The following PPP2R5E variants were observed in gnomAD, a reference collection of about 807,000 sequenced individuals.
PPP2R5E encodes serine/threonine-protein phosphatase 2A 56 kDa regulatory subunit epsilon isoform.
In PPP2R5E, 4 loss-of-function variants were observed where a neutral mutation model predicts 65.3. The ratio of observed to expected loss-of-function variants is 0.06; its 90% CI spans 0.03 to 0.14. PPP2R5E has a LOEUF of 0.14. Ranked by LOEUF, PPP2R5E falls within the 10% of genes least tolerant of loss-of-function variation. The pLI is 1.00. For missense variants in PPP2R5E, 274 were observed against 556.1 expected, an observed-to-expected ratio of 0.49 and a Z score of 5.10; for synonymous variants, 183 against 187.4, an observed-to-expected ratio of 0.98 and a Z score of 0.19.
chr14:63,528,750 A>ATTTT (rs1893287447), intron 2 of PPP2R5E, among the ~76,000 whole-genome samples: 1 of 152,214 alleles, frequency 6.6e-6, no homozygotes, highest in African/African-American at 2.4e-5. Flanking sequence ...TTTATGAAGG[A>ATTTT]AAAATAAATG....
At chr14:63,446,720 T>C (rs2139451140) in intron 3 of PPP2R5E, among the ~76,000 whole-genome samples, 1 of 150,732 alleles carries the variant, frequency 6.6e-6, no homozygotes, top group African/African-American at 2.4e-5. Flanking sequence ...TCTCAGCTAC[T>C]CGGGAGGCTG....
At chr14:63,449,872 A>ATTTTTTT (rs35931655) in intron 3 of PPP2R5E, among the ~76,000 whole-genome samples, 5 of 105,412 alleles carry the variant, frequency 4.7e-5, no homozygotes, top group East Asian at 2.7e-4. Flanking sequence ...TTCTTTTCCT[A>ATTTTTTT]TTTTTTTTTT....
chr14:63,414,011 T>C (rs1886552679), intron 5 of PPP2R5E, among the ~76,000 whole-genome samples: 1 of 152,130 alleles, frequency 6.6e-6, no homozygotes, highest in African/African-American at 2.4e-5. Context: ...ACATCTGAAC[T>C]TTGGGTTTAA....
intron 2 of PPP2R5E, among the ~76,000 whole-genome samples, chr14:63,484,343 T>TCACACACACACACACA: frequency 7.5e-6 from 1 of 133,344 alleles, no homozygotes; most frequent in African/African-American, 3.1e-5. Context: ...TTTCTCTCTC[T>TCACACACACACACACA]CTCTCACACA....
intron 3 of PPP2R5E, among the ~76,000 whole-genome samples, chr14:63,450,779 A>G (rs1015339536): frequency 3.9e-5 from 6 of 152,124 alleles, no homozygotes; most frequent in Middle Eastern, 3.2e-3. Context: ...AAAGACAAAA[A>G]AAAAAAAAAG....
intron 2 of PPP2R5E, among the ~76,000 whole-genome samples, chr14:63,527,566 C>T (rs1465202972): frequency 6.6e-6 from 1 of 152,166 alleles, no homozygotes; most frequent in South Asian, 2.1e-4. Flanking sequence ...TACCTGCCTT[C>T]TGGAATTTAA....
At chr14:63,427,466 A>G in intron 3 of PPP2R5E, among the ~76,000 whole-genome samples, 1 of 152,142 alleles carries the variant, frequency 6.6e-6, no homozygotes, top group Non-Finnish European at 1.5e-5. Context: ...CATACCAAAG[A>G]TATTAGAATA....
chr14:63,525,569 C>G (rs1283176852), intron 2 of PPP2R5E, among the ~76,000 whole-genome samples: 1 of 152,142 alleles, frequency 6.6e-6, no homozygotes, highest in Non-Finnish European at 1.5e-5. Flanking sequence ...CTGTTCCTAG[C>G]CTTTGGAGAA....
chr14:63,431,160 C>A (rs771689388), intron 3 of PPP2R5E, among the ~76,000 whole-genome samples: 1 of 151,778 alleles, frequency 6.6e-6, no homozygotes, highest in African/African-American at 2.4e-5. Flanking sequence ...CCCAGCTACT[C>A]GGGAGACTGA....
chr14:63,420,245 C>T lies in PPP2R5E; in HGVS notation c.456+1748G>A, dbSNP rs568731803. On this transcript the variant is annotated intron_variant, in intron 4 of 13. Coordinates refer to ENST00000337537, the MANE Select transcript of PPP2R5E (RefSeq NM_006246.5). ...TAAGATGTGAGACTACTGAGGAGAT[C>T]GTCTTTTTGTTGTTGTTAAGTTTCT... 8.5e-5 allele frequency among the ~76,000 whole-genome samples: 13 copies of T among 152,212 alleles called. No individual in the cohort carries two copies. In the South Asian group the frequency reaches 2.7e-3, roughly 32 times the overall value.
chr14:63,395,164 C>T (rs1047979125), intron 7 of PPP2R5E, 62 bp downstream of exon 7: 19 of 1,435,752 alleles, frequency 1.3e-5, no homozygotes, highest in African/African-American at 1.1e-4. Flanking sequence ...CTTGGTGCCA[C>T]CTGAACCTAA....
chr14:63,532,897 C>G (rs2139762256), intron 2 of PPP2R5E, among the ~76,000 whole-genome samples: 1 of 152,340 alleles, frequency 6.6e-6, no homozygotes, highest in South Asian at 2.1e-4. Flanking sequence ...TGCAGTGGCA[C>G]AATCACAGCT....
intron 11 of PPP2R5E, among the ~76,000 whole-genome samples, 162 bp downstream of exon 11, chr14:63,389,450 A>C (rs533763534): frequency 3.3e-4 from 50 of 152,306 alleles, no homozygotes; most frequent in Admixed American, 1.0e-3. Flanking sequence ...GCTGTTAGGC[A>C]GCAAGTGCTC....
intron 2 of PPP2R5E, among the ~76,000 whole-genome samples, chr14:63,480,597 C>T (rs1490591248): frequency 6.6e-6 from 1 of 152,174 alleles, no homozygotes; most frequent in Admixed American, 6.5e-5. Flanking sequence ...AGGCACAAGC[C>T]ACCATGCCCT....
At chr14:63,405,244 T>G (rs1349780929) in intron 5 of PPP2R5E, among the ~76,000 whole-genome samples, 4 of 152,238 alleles carry the variant, frequency 2.6e-5, no homozygotes, top group African/African-American at 9.6e-5. Flanking sequence ...TGCTATAGGC[T>G]GTGAGAGAGA....
chr14:63,526,700 G>C (rs999957302), intron 2 of PPP2R5E, among the ~76,000 whole-genome samples: 1 of 152,150 alleles, frequency 6.6e-6, no homozygotes, highest in African/African-American at 2.4e-5. Context: ...GGGACGACAG[G>C]AGCATGCCTC....
At chr14:63,542,606 T>G (rs568774824) in intron 1 of PPP2R5E, among the ~76,000 whole-genome samples, 173 bp downstream of exon 1, 1 of 151,656 alleles carries the variant, frequency 6.6e-6, no homozygotes, top group African/African-American at 2.4e-5. Flanking sequence ...TCAGAAGCAT[T>G]TGTAGGTAAA....
intron 5 of PPP2R5E, among the ~76,000 whole-genome samples, chr14:63,398,294 T>G (rs574186668): frequency 4.4e-4 from 67 of 152,274 alleles, no homozygotes; most frequent in African/African-American, 1.5e-3. Context: ...GCCAAAATAC[T>G]CTTGAGGGAA....
intron 5 of PPP2R5E, 111 bp downstream of exon 5, chr14:63,415,027 ATT>A (rs10675671): frequency 1.2e-4 from 70 of 560,350 alleles, no homozygotes; most frequent in African/African-American, 1.0e-3. Flanking sequence ...ATATATATAT[ATT>A]TTGTGGGTGA....
Sources: allele counts gnomAD v4.1 joint callset (sites outside exome capture counted in the v4.1 genomes callset), GRCh38; gene constraint gnomAD v4.1.1; transcripts MANE v1.5; gene names NCBI Gene and HGNC (gene_info 2026-07-23, HGNC 2026-07-21).